PARD3: variants seen among roughly 807,000 people sequenced by gnomAD.
The protein encoded by PARD3 is partitioning defective 3 homolog.
A neutral mutation model predicts 155.4 loss-of-function variants in PARD3; 75 were observed. That is an observed-to-expected ratio of 0.48 (90% CI 0.40 to 0.58). The LOEUF is 0.58. Among genes scored for constraint, PARD3 ranks in the 20% least tolerant of loss-of-function variants. The probability of loss-of-function intolerance (pLI) is 0.00; values close to 1 mark genes in which losing one functional copy is unlikely to be tolerated. For missense variants in PARD3, 1,642 were observed against 1,721.7 expected, an observed-to-expected ratio of 0.95 and a Z score of 0.82; for synonymous variants, 576 against 610.5, an observed-to-expected ratio of 0.94 and a Z score of 0.83.
chr10:34,529,742 T>TC (rs895619214), intron 2 of PARD3, among the ~76,000 whole-genome samples: 7 of 75,140 alleles, frequency 9.3e-5, no homozygotes, highest in Non-Finnish European at 2.2e-4. Context: ...TTTACTTTAC[T>TC]TTTTTTTTTG....
intron 22 of PARD3, among the ~76,000 whole-genome samples, chr10:34,163,462 T>G (rs188020107): frequency 6.6e-6 from 1 of 152,086 alleles, no homozygotes; most frequent in Non-Finnish European, 1.5e-5. Flanking sequence ...GAAAGGAATG[T>G]CGGTTTGGCT....
chr10:34,639,480 G>T (rs905804231), intron 2 of PARD3, among the ~76,000 whole-genome samples: 1 of 152,196 alleles, frequency 6.6e-6, no homozygotes, highest in African/African-American at 2.4e-5. Context: ...GCACATCCCC[G>T]TTAGTGTGGT....
intron 5 of PARD3, among the ~76,000 whole-genome samples, chr10:34,435,077 T>TA (rs2076109199): frequency 6.6e-6 from 1 of 152,180 alleles, no homozygotes; most frequent in African/African-American, 2.4e-5. Context: ...TCTAAACACT[T>TA]ACATGCAATT....
At chr10:34,667,736 T>C (rs1403163710) in intron 2 of PARD3, among the ~76,000 whole-genome samples, 3 of 152,208 alleles carry the variant, frequency 2.0e-5, no homozygotes, top group South Asian at 4.1e-4. Context: ...CCAGCTTGAA[T>C]AGGCATGGCA....
At chr10:34,362,500 G>A (rs975447255) in intron 12 of PARD3, among the ~76,000 whole-genome samples, 1 of 151,922 alleles carries the variant, frequency 6.6e-6, no homozygotes, top group African/African-American at 2.4e-5. Context: ...AAGTGTTTTT[G>A]TTGTTTGTTT....
At chr10:34,689,041 T>C (rs1416227294) in intron 2 of PARD3, among the ~76,000 whole-genome samples, 2 of 152,160 alleles carry the variant, frequency 1.3e-5, no homozygotes, top group Non-Finnish European at 2.9e-5. Context: ...AGAGATCCTA[T>C]TTCCCAGGCC....
intron 1 of PARD3, among the ~76,000 whole-genome samples, chr10:34,716,018 C>A (rs1224421791): frequency 6.6e-6 from 1 of 152,196 alleles, no homozygotes; most frequent in African/African-American, 2.4e-5. Context: ...GCCATCTGGT[C>A]AGTTTCAAAT....
chr10:34,347,788 CA>C (rs1837586037), intron 15 of PARD3, among the ~76,000 whole-genome samples, 176 bp downstream of exon 15: 1 of 152,276 alleles, frequency 6.6e-6, no homozygotes. Context: ...TACCTCTTCA[CA>C]TGAACACTTC....
At chr10:34,202,956 G>A (rs116942183) in intron 22 of PARD3, among the ~76,000 whole-genome samples, 4,584 of 152,190 alleles carry the variant, frequency 0.03, 95 homozygotes, top group Middle Eastern at 0.048. Flanking sequence ...ACAATGTCTG[G>A]CATCCTGAGA....
chr10:34,353,841 C>T (rs998397096), intron 14 of PARD3, among the ~76,000 whole-genome samples: 2 of 151,352 alleles, frequency 1.3e-5, no homozygotes, highest in African/African-American at 4.8e-5. Flanking sequence ...AAAACTGAAA[C>T]GATGGAAAAG....
At chr10:34,207,623 T>A (rs662090) in intron 22 of PARD3, among the ~76,000 whole-genome samples, 89,119 of 152,038 alleles carry the variant, frequency 0.59, 27,344 homozygotes, top group African/African-American at 0.75. Context: ...AAATGTGTAC[T>A]CTACCTTTTC....
At chr10:34,197,409 C>T (rs1950998943) in intron 22 of PARD3, among the ~76,000 whole-genome samples, 1 of 152,136 alleles carries the variant, frequency 6.6e-6, no homozygotes, top group Non-Finnish European at 1.5e-5. Flanking sequence ...ACACGTTCTC[C>T]TCTCAGAAGA....
chr10:34,792,479 A>G (rs1458740264), intron 1 of PARD3, among the ~76,000 whole-genome samples: 1 of 152,216 alleles, frequency 6.6e-6, no homozygotes, highest in African/African-American at 2.4e-5. Flanking sequence ...ATGCTAAAAT[A>G]CACCTCAATA....
rs554070489 is a variant in PARD3, at chr10:34,307,003, C to T, written c.3065+10104G>A. Among the ~76,000 whole-genome samples, 4 of 152,104 alleles carry T rather than the reference C, an allele frequency of 2.6e-5. No individual in the cohort carries two copies. In the East Asian group the frequency reaches 7.8e-4, roughly 30 times the overall value. On this transcript the variant is annotated intron_variant, in intron 20 of 24. Transcript: ENST00000374788. Reference sequence around the variant, plus strand: ...CTGGGTTCACACCATTCTCCTGCCTCAGCCTCCCAAGTAGCTGGGACTACA... The same window carrying T: ...CTGGGTTCACACCATTCTCCTGCCTTAGCCTCCCAAGTAGCTGGGACTACA...
Position 34,604,225 on chromosome 10 carries a change from T to C in PARD3, c.223-87066A>G, listed in dbSNP as rs555863713. Among the ~76,000 whole-genome samples, 79 of 152,264 alleles carry C rather than the reference T, an allele frequency of 5.2e-4. 1 individual carries two copies. Among genetic ancestry groups the C allele is most frequent in the South Asian group, 3.5e-3 (17 of 4,822 alleles). On this transcript the variant is annotated intron_variant, in intron 2 of 24. Coordinates refer to ENST00000374788, the MANE Select transcript of PARD3 (RefSeq NM_001184785.2). ...AATACCAAGTGTCAACTTGATTGGA[T>C]TGAGGGATGCGAAGTATGAACCCTG...
At chr10:34,354,737 G>A (rs1344613766) in intron 14 of PARD3, among the ~76,000 whole-genome samples, 2 of 152,156 alleles carry the variant, frequency 1.3e-5, no homozygotes, top group Non-Finnish European at 2.9e-5. Flanking sequence ...ACACTGAGTG[G>A]CTAGAGCAGA....
intron 22 of PARD3, among the ~76,000 whole-genome samples, chr10:34,178,149 A>T (rs1005626106): frequency 6.6e-6 from 1 of 152,252 alleles, no homozygotes; most frequent in African/African-American, 2.4e-5. Flanking sequence ...AAAATCATGC[A>T]TTTATTAGAG....
At chr10:34,454,462 C>G in intron 4 of PARD3, among the ~76,000 whole-genome samples, 1 of 151,944 alleles carries the variant, frequency 6.6e-6, no homozygotes. Flanking sequence ...GCACTCGTAA[C>G]CAATCTATTC....
chr10:34,486,693 G>C (rs1267927089), intron 3 of PARD3, among the ~76,000 whole-genome samples: 1 of 152,176 alleles, frequency 6.6e-6, no homozygotes, highest in Admixed American at 6.5e-5. Flanking sequence ...TCTTGTTAAA[G>C]AGCTTCAGTA....
Sources: allele counts gnomAD v4.1 joint callset (sites outside exome capture counted in the v4.1 genomes callset), GRCh38; gene constraint gnomAD v4.1.1; transcripts MANE v1.5; gene names NCBI Gene and HGNC (gene_info 2026-07-23, HGNC 2026-07-21).